The following HCRTR2 variants were observed in gnomAD, a reference collection of about 807,000 sequenced individuals.
HCRTR2 encodes the protein hypocretin receptor 2.
HCRTR2 carries 22 observed loss-of-function variants against 49.0 expected under a neutral mutation model. The observed-to-expected ratio is 0.45, with a 90% CI of 0.32 to 0.64. The LOEUF (loss-of-function observed/expected upper bound fraction) is 0.64. HCRTR2 is among the 30% of genes least tolerant of loss of function. The pLI, the probability that HCRTR2 is intolerant of heterozygous loss-of-function variation, is 0.04. For missense variants in HCRTR2, 491 were observed against 559.4 expected (o/e 0.88, Z 1.23); for synonymous variants, 236 against 205.3 (o/e 1.15, Z -1.28).
chr6:55,129,236 C>T (rs1391900776), intron 1 of HCRTR2, among the ~76,000 whole-genome samples: 1 of 152,086 alleles, frequency 6.6e-6, no homozygotes, highest in Non-Finnish European at 1.5e-5. Context: ...TTTTCTCACT[C>T]ATGGATCAAA....
intron 1 of HCRTR2, among the ~76,000 whole-genome samples, chr6:55,156,306 A>G (rs1002238757): frequency 6.6e-6 from 1 of 152,032 alleles, no homozygotes; most frequent in Non-Finnish European, 1.5e-5. Context: ...ACTCACACCA[A>G]TTCTTCTCAT....
chr6:55,191,681 A>G (rs1438646998), intron 1 of HCRTR2, among the ~76,000 whole-genome samples: 3 of 152,168 alleles, frequency 2.0e-5, no homozygotes. Flanking sequence ...CAGCAACAAT[A>G]TTGAAGATAT....
chr6:55,278,162 A>G (rs1767115665), intron 5 of HCRTR2, among the ~76,000 whole-genome samples: 1 of 152,224 alleles, frequency 6.6e-6, no homozygotes, highest in Admixed American at 6.5e-5. Flanking sequence ...CTCAGGGCAG[A>G]TAGTAATAAA....
At chr6:55,124,341 C>T (rs969859439) in intron 1 of HCRTR2, among the ~76,000 whole-genome samples, 2 of 152,188 alleles carry the variant, frequency 1.3e-5, no homozygotes, top group Non-Finnish European at 2.9e-5. Context: ...TTTTACAGAA[C>T]AACTTTATTT....
intron 1 of HCRTR2, among the ~76,000 whole-genome samples, chr6:55,246,019 A>C (rs1279291335): frequency 1.3e-5 from 2 of 152,054 alleles, no homozygotes; most frequent in Non-Finnish European, 2.9e-5. Flanking sequence ...TGAAGATAGA[A>C]ACACAGTAGA....
chr6:55,209,638 T>C (rs1323816355), intron 1 of HCRTR2, among the ~76,000 whole-genome samples: 1 of 152,196 alleles, frequency 6.6e-6, no homozygotes, highest in Non-Finnish European at 1.5e-5. Context: ...GAAAACTGGA[T>C]TCTTCCCAAT....
At chr6:55,152,048 G>T (rs1271755946) in intron 1 of HCRTR2, among the ~76,000 whole-genome samples, 2 of 151,904 alleles carry the variant, frequency 1.3e-5, no homozygotes, top group Admixed American at 6.6e-5. Flanking sequence ...AGGCTCTGTT[G>T]TTCCATTTTA....
At chr6:55,252,186 T>G (rs905352995) in intron 2 of HCRTR2, among the ~76,000 whole-genome samples, 1 of 152,084 alleles carries the variant, frequency 6.6e-6, no homozygotes, top group Admixed American at 6.6e-5. Context: ...ATTGGTTCAT[T>G]CTACTGTTAG....
rs572535621 is a variant in HCRTR2 at position 55,226,820 on chromosome 6, A to C, written c.224-21819A>C. Among the ~76,000 whole-genome samples the C allele has an allele frequency of 2.1e-5, 3 of 140,762 alleles. No individual in the cohort carries two copies. The Admixed American group carries it at 2.3e-4, about 11-fold the overall frequency. The allele number at this position is 140,762 out of a possible 152,430, so 92.3% of individuals were successfully genotyped here. A position where few individuals can be genotyped will look rare whatever the true frequency, so the allele number is the denominator to read the frequency against. On this transcript the variant is annotated intron_variant, in intron 1 of 6. Transcript: ENST00000370862. Reference sequence around the variant, plus strand: ...TGAAAGCTCCGCCTCCCGGGTTCACACCATTCTCCTGCCTCAGCCTCCCGA... The same window carrying C: ...TGAAAGCTCCGCCTCCCGGGTTCACCCCATTCTCCTGCCTCAGCCTCCCGA...
intron 1 of HCRTR2, among the ~76,000 whole-genome samples, chr6:55,116,352 G>A (rs1056712995): frequency 5.3e-5 from 8 of 151,600 alleles, no homozygotes; most frequent in Non-Finnish European, 8.9e-5. Flanking sequence ...AAAATACTTC[G>A]ATGTATTTAG....
At chr6:55,122,005 T>C (rs1018451689) in intron 1 of HCRTR2, among the ~76,000 whole-genome samples, 4 of 152,200 alleles carry the variant, frequency 2.6e-5, no homozygotes, top group African/African-American at 9.6e-5. Context: ...ATTCCCTCTT[T>C]TTCTATTGAT....
intron 1 of HCRTR2, among the ~76,000 whole-genome samples, chr6:55,227,605 T>G (rs1766034564): frequency 6.6e-6 from 1 of 152,226 alleles, no homozygotes. Flanking sequence ...TCTTAGTATG[T>G]TCATCTAATT....
At chr6:55,122,520 T>C (rs1581783053) in intron 1 of HCRTR2, among the ~76,000 whole-genome samples, 1 of 152,274 alleles carries the variant, frequency 6.6e-6, no homozygotes, top group Non-Finnish European at 1.5e-5. Flanking sequence ...TGAATGTGTT[T>C]GCTCTTGCTT....
chr6:55,227,870 G>C (rs925643639), intron 1 of HCRTR2, among the ~76,000 whole-genome samples: 1 of 151,984 alleles, frequency 6.6e-6, no homozygotes, highest in Non-Finnish European at 1.5e-5. Flanking sequence ...GAAGATGCTA[G>C]TAACATAGGA....
intron 4 of HCRTR2, among the ~76,000 whole-genome samples, chr6:55,272,540 C>T (rs1323756735): frequency 6.6e-6 from 1 of 150,632 alleles, no homozygotes; most frequent in African/African-American, 2.4e-5. Flanking sequence ...AAAATGTTTT[C>T]TTTTAAAAAG....
At chr6:55,114,449 C>T (rs75061542) in intron 1 of HCRTR2, among the ~76,000 whole-genome samples, 5,675 of 151,726 alleles carry the variant, frequency 0.037, 346 homozygotes, top group African/African-American at 0.13. Flanking sequence ...ACAGTATTTC[C>T]TCCCAGTAAT....
At chr6:55,178,052 A>G (rs924000338) in intron 1 of HCRTR2, among the ~76,000 whole-genome samples, 1 of 152,116 alleles carries the variant, frequency 6.6e-6, no homozygotes, top group Non-Finnish European at 1.5e-5. Flanking sequence ...AGATGTATCA[A>G]CTTATTCAAT....
chr6:55,232,509 A>G (rs1197851344), intron 1 of HCRTR2, among the ~76,000 whole-genome samples: 3 of 152,234 alleles, frequency 2.0e-5, no homozygotes, highest in Non-Finnish European at 4.4e-5. Flanking sequence ...ACTCAGTGTG[A>G]GCCCTAAAAC....
At chr6:55,188,123 A>G (rs1468806305) in intron 1 of HCRTR2, among the ~76,000 whole-genome samples, 1 of 152,122 alleles carries the variant, frequency 6.6e-6, no homozygotes, top group Non-Finnish European at 1.5e-5. Flanking sequence ...TCCTCCTTTG[A>G]CAGTACAGCT....
Sources: gnomAD v4.1 joint callset for allele counts (sites outside exome capture counted in the v4.1 genomes callset) on GRCh38, gnomAD v4.1.1 for gene constraint, MANE v1.5 for transcripts, NCBI Gene and HGNC (gene_info 2026-07-23, HGNC 2026-07-21) for gene names.